TRAF7: variants seen among roughly 807,000 people sequenced by gnomAD.
The protein encoded by TRAF7 is TNF receptor associated factor 7.
Under a neutral mutation model 89.3 loss-of-function variants are expected in TRAF7, and 45 were observed. The observed-to-expected ratio is 0.50, with a 90% CI of 0.40 to 0.65. The LOEUF (loss-of-function observed/expected upper bound fraction) is 0.65. TRAF7 is among the 30% of genes least tolerant of loss of function. TRAF7 has a pLI of 0.00. For synonymous variants in TRAF7, 406 were observed against 369.2 expected, an observed-to-expected ratio of 1.10 and a Z score of -1.14; for missense variants, 677 against 918.1, an observed-to-expected ratio of 0.74 and a Z score of 3.39.
At chr16:2,175,009 C>T (rs2093129799) in intron 14 of TRAF7, 102 bp from the exon 15 acceptor site, 14 of 1,440,070 alleles carry the variant, frequency 9.7e-6, no homozygotes, top group Non-Finnish European at 1.4e-5. Flanking sequence ...CTGGGCCATG[C>T]TGCTGGTTCC....
chr16:2,164,171 CGCGCGCGCGCACGCGTGCGTGT>C (rs1343138576), intron 2 of TRAF7, among the ~76,000 whole-genome samples, 170 bp downstream of exon 2: 6 of 119,042 alleles, frequency 5.0e-5, no homozygotes, highest in South Asian at 5.2e-4. Flanking sequence ...CGCGCGCGCG[CGCGCGCGCGCACGCGTGCGTGT>C]GTGGTTGGGG....
At position 2,159,075 on chromosome 16, in the gene TRAF7, A is replaced by C. The variant is rs1239903676; in HGVS notation, c.-39+3217A>C. 1.3e-5 allele frequency among the ~76,000 whole-genome samples: 2 copies of C among 152,224 alleles called. No individual in the cohort carries two copies. The highest frequency in any genetic ancestry group is 4.8e-5 in the African/African-American group (2 of 41,466). On this transcript the variant is annotated intron_variant, in intron 1 of 20. Transcript: ENST00000326181. The surrounding 1 kb of genome is among the most constrained non-coding windows in gnomAD (Gnocchi z 6.5). ...CCAGCCCCCAAGGGGTCGGAGGGGC[A>C]GCAAAAGGCATCCTTACTGTGAAGT...
chr16:2,156,242 G>A (rs2093033812), intron 1 of TRAF7, among the ~76,000 whole-genome samples: 1 of 152,108 alleles, frequency 6.6e-6, no homozygotes, highest in Non-Finnish European at 1.5e-5. Context: ...CATCGACCAC[G>A]CGGCCCGGGT....
chr16:2,171,435 T>TGGC lies in TRAF7; in HGVS notation c.441+81_441+83dup, dbSNP rs754159947. On this transcript the variant is annotated intron_variant, in intron 6 of 20. Transcript: ENST00000326181. ...CCAGGGCTCTCGGGGGCCGGGGCTG[T>TGGC]GGCGCCCTGGCCTTGGTCAAGGCCT... The TGGC allele has an allele frequency of 5.2e-4, 801 of 1,532,258 alleles. 1 individual carries two copies. The highest frequency in any genetic ancestry group is 6.8e-4 in the Non-Finnish European group (771 of 1,130,884). The allele number at this position is 1,532,258 out of a possible 1,614,324, so 94.9% of individuals were successfully genotyped here.
At position 2,170,666 on chromosome 16, in the gene TRAF7, T is replaced by G; in HGVS notation, c.284T>G (p.Leu95Arg). The G allele has an allele frequency of 6.2e-7, 1 of 1,610,226 alleles. No individual in the cohort carries two copies. The highest frequency in any genetic ancestry group is 1.1e-5 in the South Asian group (1 of 90,198). ...RSDSAISVRS[L>R]HSESSMSLRS... Reference sequence around the variant, plus strand: ...GACTCCGCCATCTCTGTCCGCTCCCTGCACTCAGAGTCCAGCATGTCTCTG... The same window carrying G: ...GACTCCGCCATCTCTGTCCGCTCCCGGCACTCAGAGTCCAGCATGTCTCTG... The change falls in exon 5 of 21, where the codon CTG becomes CGG. Residue 95 changes from leucine to arginine, a missense_variant. Transcript: ENST00000326181.
chr16:2,173,644 T>C (rs1217096287), intron 11 of TRAF7, 90 bp downstream of exon 11: 3 of 1,576,134 alleles, frequency 1.9e-6, no homozygotes, highest in Non-Finnish European at 2.6e-6. Flanking sequence ...TTGCCTACAC[T>C]AGTCAAGATC....
rs757728472 is a variant in TRAF7, at chr16:2,172,527, C to T, written c.722C>T (p.Pro241Leu). Residue 241 changes from proline (P) to leucine (L), a missense_variant, in exon 9 of 21, where the codon CCG becomes CTG. Transcript: ENST00000326181. The stretch of plus-strand genomic sequence containing the variant: ...TGTCCCAACAACCCCAGCTGCCCCC[C>T]GCTGCTCAGGATGAACCTGGAGGCC... The part of the protein sequence containing the change: ...VRCPNNPSCP[P>L]LLRMNLEAHL... 2.3e-5 allele frequency: 37 copies of T among 1,592,384 alleles called. No homozygotes were observed. The highest frequency in any genetic ancestry group is 1.9e-4 in the Middle Eastern group (1 of 5,256).
rs1379792788 is a variant in TRAF7, at chr16:2,161,027, G to T, written c.-38-2856G>T. 6.6e-6 allele frequency among the ~76,000 whole-genome samples: 1 copy of T among 152,090 alleles called. No homozygotes were observed. Among genetic ancestry groups the T allele is most frequent in the African/African-American group, 2.4e-5 (1 of 41,420 alleles). On this transcript the variant is annotated intron_variant, in intron 1 of 20. Transcript: ENST00000326181. The surrounding 1 kb of genome is among the most constrained non-coding windows in gnomAD (Gnocchi z 5.2). ...CGGGCATCTTGCTCAATTCCGAGGT[G>T]CGGGGATGGATCCTGCCTTAGGGCG...
At chr16:2,169,894 G>A (rs556106981) in intron 4 of TRAF7, among the ~76,000 whole-genome samples, 62 of 152,298 alleles carry the variant, frequency 4.1e-4, no homozygotes, top group African/African-American at 1.4e-3. Context: ...GCAGCAGCTG[G>A]GCCCCTCTGC....
intron 7 of TRAF7, 79 bp downstream of exon 7, chr16:2,171,684 TC>T: frequency 6.2e-7 from 1 of 1,602,634 alleles, no homozygotes; most frequent in Non-Finnish European, 8.5e-7. Context: ...TTCTCCCTTG[TC>T]CCCTGCACAG....
Position 2,177,178 on chromosome 16 carries a change from CCT to C in TRAF7, c.*607_*608del, listed in dbSNP as rs1004385554. On this transcript the variant is annotated 3_prime_UTR_variant, in exon 21 of 21. Transcript: ENST00000326181. Reference sequence around the variant, plus strand: ...GTGCCCCCAAAAAGTGAGCCAGGCACCTCTGTTTCCTGCTGTTTATTGACAGC... The same window carrying C: ...GTGCCCCCAAAAAGTGAGCCAGGCACCTGTTTCCTGCTGTTTATTGACAGC... 2 of 247,918 alleles carry C rather than the reference CCT, an allele frequency of 8.1e-6. No homozygotes were observed. Among genetic ancestry groups the C allele is most frequent in the African/African-American group, 4.4e-5 (2 of 45,628 alleles). 15.4% of individuals were successfully genotyped at this position (247,918 alleles called of 1,614,324 possible).
intron 1 of TRAF7, among the ~76,000 whole-genome samples, chr16:2,156,560 G>A (rs1014046120): frequency 1.3e-5 from 2 of 152,088 alleles, no homozygotes; most frequent in African/African-American, 4.8e-5. Context: ...TTAGCCAAAG[G>A]CCTGTTGGAG....
Position 2,172,444 on chromosome 16 carries a change from C to T in TRAF7, c.660-21C>T, listed in dbSNP as rs1480669507. On this transcript the variant is annotated intron_variant, in intron 8 of 20. Transcript: ENST00000326181. Reference sequence around the variant, plus strand: ...TCTCAGGGCTCTGGCTGAGGCCTCCCCGCATCCCGCCCTGGCACAGGGACC... The same window carrying T: ...TCTCAGGGCTCTGGCTGAGGCCTCCTCGCATCCCGCCCTGGCACAGGGACC... 5.0e-6 allele frequency: 8 copies of T among 1,610,502 alleles called. No individual in the cohort carries two copies. In the African/African-American group the frequency reaches 9.3e-5, roughly 19 times the overall value.
intron 7 of TRAF7, 120 bp from the exon 8 acceptor site, chr16:2,172,071 T>A (rs1267039844): frequency 1.6e-6 from 2 of 1,222,584 alleles, no homozygotes; most frequent in African/African-American, 3.0e-5. Flanking sequence ...CCCGTTCCCA[T>A]GTTGCGTGCC....
At position 2,176,316 on chromosome 16, in the gene TRAF7, G is replaced by A; in HGVS notation, c.1930G>A (p.Gly644Ser). 1.2e-6 allele frequency: 2 copies of A among 1,604,762 alleles called. No homozygotes were observed. The highest frequency in any genetic ancestry group is 8.5e-7 in the Non-Finnish European group (1 of 1,178,846). Residue 644 changes from glycine to serine, a missense_variant, in exon 20 of 21, where the codon GGC (glycine) becomes AGC (serine). By Grantham distance (56) the Gly-to-Ser change is moderately conservative. Coordinates refer to ENST00000326181, the MANE Select transcript of TRAF7 (RefSeq NM_032271.3). ...ICTQTLLRHQ[G>S]SVTALAVSRG... ...CACGCAGACCCTGCTGCGTCACCAG[G>A]GCAGTGTCACCGCGCTGGCTGTGTC...
intron 3 of TRAF7, among the ~76,000 whole-genome samples, chr16:2,167,488 C>A (rs548975306): frequency 5.3e-5 from 8 of 152,288 alleles, no homozygotes; most frequent in South Asian, 4.1e-4. Context: ...GGAGGGAGGG[C>A]ACTTCAGCTC....
At chr16:2,169,935 A>T (rs1163494156) in intron 4 of TRAF7, among the ~76,000 whole-genome samples, 1 of 152,116 alleles carries the variant, frequency 6.6e-6, no homozygotes, top group Non-Finnish European at 1.5e-5. Context: ...AGCCTTGGGC[A>T]GTGTGGCTCT....
At chr16:2,173,116 G>A in intron 9 of TRAF7, 66 bp from the exon 10 acceptor site, 1 of 1,469,102 alleles carries the variant, frequency 6.8e-7, no homozygotes, top group Non-Finnish European at 9.3e-7. Context: ...CATTTGAGGG[G>A]GATTCTTGGG....
rs147744095 is a variant in TRAF7 at position 2,176,556 on chromosome 16, G to A, written c.1999-4G>A. On this transcript the variant is annotated splice_region_variant and splice_polypyrimidine_tract_variant and intron_variant, in intron 20 of 20. Coordinates refer to ENST00000326181, the MANE Select transcript of TRAF7 (RefSeq NM_032271.3). ...ATCCTGGTGAAGCAGCCCTTTCTCTGCAGGTTTGGACTTGCTAACAGGATC... is the reference window on the plus strand; with the variant it reads ...ATCCTGGTGAAGCAGCCCTTTCTCTACAGGTTTGGACTTGCTAACAGGATC... The A allele has an allele frequency of 1.1e-3, 1,705 of 1,613,420 alleles. 17 individuals are homozygous for A. In the African/African-American group the frequency reaches 0.018, roughly 18 times the overall value.
Sources: gnomAD v4.1 joint callset for allele counts (sites outside exome capture counted in the v4.1 genomes callset) on GRCh38, gnomAD v4.1.1 for gene constraint, Gnocchi (gnomAD v3.1) non-coding constraint, MANE v1.5 for transcripts, NCBI Gene and HGNC (gene_info 2026-07-23, HGNC 2026-07-21) for gene names.